Variants in FBLN7 observed in about 807,000 individuals in gnomAD.
FBLN7 encodes the protein fibulin 7, also known as fibulin-7.
FBLN7 carries 31 observed loss-of-function variants against 44.0 expected under a neutral mutation model. The ratio of observed to expected loss-of-function variants is 0.70; its 90% confidence interval spans 0.53 to 0.95. The LOEUF (loss-of-function observed/expected upper bound fraction) is 0.95. FBLN7 is among the 40% of genes least tolerant of loss of function. FBLN7 has a pLI of 0.00. For synonymous variants in FBLN7, 262 were observed against 253.4 expected (o/e 1.03, Z -0.32); for missense variants, 573 against 618.5 (o/e 0.93, Z 0.78).
At chr2:112,234,691 T>C in the FBLN7 span, among the ~76,000 whole-genome samples, 1 of 151,662 alleles carries the variant, frequency 6.6e-6, no homozygotes, top group African/African-American at 2.4e-5. Flanking sequence ...GCCCAGCTAC[T>C]CTAGAGGCTG....
the FBLN7 span, among the ~76,000 whole-genome samples, chr2:112,237,847 G>A: frequency 8.5e-5 from 13 of 152,098 alleles, no homozygotes; most frequent in South Asian, 2.1e-4. Flanking sequence ...GATTACAGGC[G>A]TGAGCCACCA....
chr2:112,231,806 AAAAAC>A, the FBLN7 span: 3 of 1,406,726 alleles, frequency 2.1e-6, no homozygotes, highest in East Asian at 2.4e-5. Flanking sequence ...TTAAAAAAGA[AAAAAC>A]AAAAGATTAT....
intron 6 of FBLN7, among the ~76,000 whole-genome samples, chr2:112,183,155 CTTTA>C (rs765986862): frequency 1.3e-5 from 2 of 152,248 alleles, no homozygotes; most frequent in African/African-American, 4.8e-5. Flanking sequence ...TCTTTTCCGA[CTTTA>C]TTTGAGTAAA....
At chr2:112,223,504 A>G in the FBLN7 span, among the ~76,000 whole-genome samples, 13 of 152,180 alleles carry the variant, frequency 8.5e-5, no homozygotes, top group African/African-American at 3.1e-4. Flanking sequence ...TTTTTCCATG[A>G]TAATTCTTGT....
At chr2:112,154,281 C>T (rs1681306866) in intron 1 of FBLN7, among the ~76,000 whole-genome samples, 1 of 152,176 alleles carries the variant, frequency 6.6e-6, no homozygotes, top group South Asian at 2.1e-4. Flanking sequence ...TGGGCCACGA[C>T]TGGTTTTGAA....
At position 112,187,797 on chromosome 2, in the gene FBLN7, A is replaced by G. The variant is rs1683347088; in HGVS notation, c.*291A>G. The G allele has an allele frequency of 2.0e-6, 1 of 508,552 alleles. No homozygotes were observed. The highest frequency in any genetic ancestry group is 3.4e-6 in the Non-Finnish European group (1 of 290,528). 31.5% of individuals were successfully genotyped at this position (508,552 alleles called of 1,614,324 possible). A position where few individuals can be genotyped will look rare whatever the true frequency, so the allele number is the denominator to read the frequency against. ...ATCCAGGGGATGGGTGGCTTTCCAA[A>G]ATGCTGTGCAAATGGCCTTGTGAGT... On this transcript the variant is annotated 3_prime_UTR_variant, in exon 8 of 8. Transcript: ENST00000331203. This position sits in a 1 kb window ranked among gnomAD's most constrained non-coding sequence, Gnocchi z 5.1.
chr2:112,219,570 T>C, the FBLN7 span, among the ~76,000 whole-genome samples: 3 of 152,290 alleles, frequency 2.0e-5, no homozygotes, highest in African/African-American at 4.8e-5. Flanking sequence ...TTCCATGTAA[T>C]TGTATAGTTT....
chr2:112,198,887 C>T, the FBLN7 span, among the ~76,000 whole-genome samples: 34 of 152,286 alleles, frequency 2.2e-4, no homozygotes, highest in South Asian at 7.0e-3. Context: ...AAGATACACC[C>T]TCAGTAAAGC....
intron 3 of FBLN7, among the ~76,000 whole-genome samples, chr2:112,169,350 A>T (rs538731779): frequency 6.6e-6 from 1 of 152,180 alleles, no homozygotes; most frequent in Non-Finnish European, 1.5e-5. Flanking sequence ...AGAACTCCAG[A>T]GTGGAAAGCA....
At chr2:112,235,517 G>A in the FBLN7 span, among the ~76,000 whole-genome samples, 1 of 152,102 alleles carries the variant, frequency 6.6e-6, no homozygotes, top group Non-Finnish European at 1.5e-5. Flanking sequence ...AAAATATGGA[G>A]GCAGGGGACA....
the FBLN7 span, among the ~76,000 whole-genome samples, chr2:112,193,883 G>C: frequency 6.6e-6 from 1 of 152,210 alleles, no homozygotes; most frequent in Non-Finnish European, 1.5e-5. Flanking sequence ...GGGAAGAAAG[G>C]AAACAATAGA....
At chr2:112,243,147 T>G in the FBLN7 span, among the ~76,000 whole-genome samples, 11 of 152,162 alleles carry the variant, frequency 7.2e-5, no homozygotes, top group Non-Finnish European at 1.6e-4. Flanking sequence ...CTGTTCAAAG[T>G]TAAAATAGGA....
intron 2 of FBLN7, among the ~76,000 whole-genome samples, chr2:112,164,221 C>A (rs1682019636): frequency 6.6e-6 from 1 of 152,206 alleles, no homozygotes; most frequent in African/African-American, 2.4e-5. Context: ...TAGTGCCTGG[C>A]ACATAGTAAA....
chr2:112,219,650 A>AT, the FBLN7 span, among the ~76,000 whole-genome samples: 57 of 147,398 alleles, frequency 3.9e-4, no homozygotes, highest in East Asian at 2.6e-3. Context: ...GAGTGGGGTG[A>AT]TTTTTTTTTT....
At chr2:112,196,003 A>G in the FBLN7 span, among the ~76,000 whole-genome samples, 1 of 152,206 alleles carries the variant, frequency 6.6e-6, no homozygotes, top group Non-Finnish European at 1.5e-5. Flanking sequence ...AGTCTCTTCC[A>G]GGCCAAGGAA....
At chr2:112,174,584 G>A (rs975393447) in intron 3 of FBLN7, among the ~76,000 whole-genome samples, 7 of 152,198 alleles carry the variant, frequency 4.6e-5, no homozygotes, top group South Asian at 2.1e-4. Context: ...AAGATAATGT[G>A]GTCAAGTCAG....
the FBLN7 span, among the ~76,000 whole-genome samples, chr2:112,239,630 G>A: frequency 7.3e-6 from 1 of 136,614 alleles, no homozygotes; most frequent in African/African-American, 2.8e-5. Context: ...TATTGCCCAG[G>A]CTGGAGTGCA....
intron 1 of FBLN7, among the ~76,000 whole-genome samples, chr2:112,142,720 C>A (rs35440953): frequency 6.6e-6 from 1 of 151,856 alleles, no homozygotes; most frequent in East Asian, 1.9e-4. Context: ...GCTTGCTTTG[C>A]GTTTTAGGAG....
chr2:112,157,570 C>G (rs112289778), intron 1 of FBLN7, among the ~76,000 whole-genome samples: 18 of 152,078 alleles, frequency 1.2e-4, no homozygotes, highest in African/African-American at 3.9e-4. Context: ...CCATCCCTCC[C>G]CACTTGATTC....
Sources: gnomAD v4.1 joint callset for allele counts (sites outside exome capture counted in the v4.1 genomes callset) on GRCh38, gnomAD v4.1.1 for gene constraint, Gnocchi (gnomAD v3.1) non-coding constraint, MANE v1.5 for transcripts, NCBI Gene and HGNC (gene_info 2026-07-23, HGNC 2026-07-21) for gene names.